Variants in NCKAP1 observed in about 807,000 individuals in gnomAD.
NCKAP1 encodes NCK associated protein 1, also known as nck-associated protein 1.
In NCKAP1, 21 loss-of-function variants were observed where a neutral mutation model predicts 151.2. That is an observed-to-expected ratio of 0.14 (90% CI 0.10 to 0.20). NCKAP1 has a LOEUF of 0.20. NCKAP1 is among the 10% of genes least tolerant of loss of function. NCKAP1 has a pLI of 1.00. For synonymous variants in NCKAP1, 484 were observed against 451.8 expected (o/e 1.07, Z -0.90); for missense variants, 933 against 1,352.1 (o/e 0.69, Z 4.86).
intron 2 of NCKAP1, among the ~76,000 whole-genome samples, chr2:183,019,139 T>C (rs79195744): frequency 0.014 from 2,100 of 152,280 alleles, 63 homozygotes; most frequent in African/African-American, 0.048. Flanking sequence ...GCCAGCAATG[T>C]CCCTATTCTT....
At chr2:183,013,459 A>T (rs538214074) in intron 2 of NCKAP1, among the ~76,000 whole-genome samples, 2 of 152,198 alleles carry the variant, frequency 1.3e-5, no homozygotes, top group South Asian at 4.2e-4. Flanking sequence ...CATACACCCA[A>T]CACCCAATTC....
chr2:182,978,308 T>A (rs1276932002), intron 14 of NCKAP1, among the ~76,000 whole-genome samples: 1 of 152,220 alleles, frequency 6.6e-6, no homozygotes, highest in Non-Finnish European at 1.5e-5. Flanking sequence ...AAGGTGATTA[T>A]ATGACATCAA....
At position 182,918,900 on chromosome 2, in the gene NCKAP1, C is replaced by T. The variant is rs1310271691; in HGVS notation, c.*6802G>A. 6.6e-6 allele frequency: 1 copy of T among 152,192 alleles called. No individual in the cohort carries two copies. Among genetic ancestry groups the T allele is most frequent in the Non-Finnish European group, 1.5e-5 (1 of 68,030 alleles). The allele number at this position is 152,192 out of a possible 1,614,324, so 9.4% of individuals were successfully genotyped here. On this transcript the variant is annotated 3_prime_UTR_variant, in exon 31 of 31. Transcript: ENST00000361354. The stretch of plus-strand genomic sequence containing the variant: ...AAGTCCACACTCACATTTGAGAGAT[C>T]TGAGACACAGTTTAATGAGAAGAAC...
chr2:183,011,948 C>T (rs990141482), intron 2 of NCKAP1, among the ~76,000 whole-genome samples: 1 of 152,160 alleles, frequency 6.6e-6, no homozygotes, highest in African/African-American at 2.4e-5. Context: ...GAATAATGTA[C>T]TGACCCTGCC....
At chr2:182,980,284 G>T (rs1300659433) in intron 13 of NCKAP1, among the ~76,000 whole-genome samples, 1 of 151,776 alleles carries the variant, frequency 6.6e-6, no homozygotes, top group African/African-American at 2.4e-5. Flanking sequence ...ATACTAGCTT[G>T]TAACAGCATG....
intron 1 of NCKAP1, among the ~76,000 whole-genome samples, chr2:183,026,873 TATA>T (rs1698907935): frequency 6.6e-6 from 1 of 152,174 alleles, no homozygotes; most frequent in South Asian, 2.1e-4. Flanking sequence ...TAATAATAGC[TATA>T]ATGATGATAA....
rs1696623701 is a variant in NCKAP1, at chr2:182,925,449, T to C, written c.*253A>G. Reference sequence around the variant, plus strand: ...AAATATCAAAAACATGTTGATAATGTATGTTTTTCAAATAAATGATACTTT... The same window carrying C: ...AAATATCAAAAACATGTTGATAATGCATGTTTTTCAAATAAATGATACTTT... On this transcript the variant is annotated 3_prime_UTR_variant, in exon 31 of 31. Transcript: ENST00000361354. 3 of 225,748 alleles carry C rather than the reference T, an allele frequency of 1.3e-5. No homozygotes were observed. The Admixed American group carries it at 1.7e-4, about 13-fold the overall frequency. The allele number at this position is 225,748 out of a possible 1,614,324, so 14.0% of individuals were successfully genotyped here.
At chr2:182,937,444 G>C (rs551180085) in intron 24 of NCKAP1, among the ~76,000 whole-genome samples, 1 of 152,078 alleles carries the variant, frequency 6.6e-6, no homozygotes, top group African/African-American at 2.4e-5. Flanking sequence ...TGTGGGTCTT[G>C]GACCAGGCAA....
At chr2:183,012,186 GA>G (rs990582528) in intron 2 of NCKAP1, among the ~76,000 whole-genome samples, 13 of 151,120 alleles carry the variant, frequency 8.6e-5, no homozygotes, top group Non-Finnish European at 7.4e-5. Context: ...GCAATAACAT[GA>G]AAAGGGTAAC....
Position 183,003,273 on chromosome 2 carries a change from G to C in NCKAP1, c.272C>G (p.Ala91Gly). The change falls in exon 3 of 31, where the codon GCA becomes GGA. Residue 91 changes from alanine to glycine, a missense_variant. Coordinates refer to ENST00000361354, the MANE Select transcript of NCKAP1 (RefSeq NM_013436.5). The part of the protein sequence containing the change: ...KEKSEILKNL[A>G]LYYFTFVDVM... ...ATCTACAAATGTGAAGTAATATAAT[G>C]CCAGATTTTTCAGAATCTCTGATTT... The C allele has an allele frequency of 6.3e-7, 1 of 1,596,696 alleles. No homozygotes were observed.
intron 20 of NCKAP1, among the ~76,000 whole-genome samples, chr2:182,953,794 T>C (rs1156523459): frequency 6.6e-6 from 1 of 151,520 alleles, no homozygotes; most frequent in African/African-American, 2.4e-5. Flanking sequence ...TGAGACTGTC[T>C]TAAAAAAAAA....
chr2:182,933,865 T>C (rs540509562), intron 26 of NCKAP1, among the ~76,000 whole-genome samples: 14 of 152,314 alleles, frequency 9.2e-5, no homozygotes, highest in African/African-American at 3.4e-4. Flanking sequence ...AACCCCGATA[T>C]ATCACTTACT....
intron 2 of NCKAP1, among the ~76,000 whole-genome samples, chr2:183,021,373 G>A (rs1332690805): frequency 6.6e-6 from 1 of 152,156 alleles, no homozygotes; most frequent in Non-Finnish European, 1.5e-5. Flanking sequence ...GTCAAAGTGG[G>A]AGGACTGCTC....
intron 24 of NCKAP1, among the ~76,000 whole-genome samples, chr2:182,936,412 T>C (rs1037887797): frequency 2.6e-5 from 4 of 152,196 alleles, no homozygotes; most frequent in Non-Finnish European, 5.9e-5. Flanking sequence ...AATAATGACC[T>C]AGACCTCGAA....
intron 17 of NCKAP1, among the ~76,000 whole-genome samples, chr2:182,964,129 C>G (rs1164423241): frequency 6.6e-6 from 1 of 152,112 alleles, no homozygotes; most frequent in Non-Finnish European, 1.5e-5. Flanking sequence ...ACACTGAGTA[C>G]ATTTTTCACA....
intron 8 of NCKAP1, among the ~76,000 whole-genome samples, chr2:182,993,642 C>G (rs941722975): frequency 1.3e-5 from 2 of 152,042 alleles, no homozygotes; most frequent in African/African-American, 4.8e-5. Context: ...CCAAATACTA[C>G]ATGTTCTTAC....
At chr2:182,949,379 G>T (rs975603527) in intron 23 of NCKAP1, among the ~76,000 whole-genome samples, 3 of 152,132 alleles carry the variant, frequency 2.0e-5, no homozygotes, top group Non-Finnish European at 2.9e-5. Flanking sequence ...GTGAGCGTGC[G>T]TAAGTTATTT....
chr2:182,930,628 A>G (rs1366102739), intron 27 of NCKAP1, 67 bp downstream of exon 27: 7 of 1,216,398 alleles, frequency 5.8e-6, no homozygotes, highest in Non-Finnish European at 7.2e-6. Context: ...GTTAAATATC[A>G]TACCTATACC....
Position 182,912,902 on chromosome 2 carries a change from T to C in NCKAP1, c.*12800A>G, listed in dbSNP as rs1157956061. The C allele has an allele frequency of 1.7e-5, 1 of 58,548 alleles. No individual in the cohort carries two copies. Among genetic ancestry groups the C allele is most frequent in the South Asian group, 7.2e-4 (1 of 1,380 alleles). The allele number at this position is 58,548 out of a possible 1,614,324, so 3.6% of individuals were successfully genotyped here. ...GAAGGAAGGAAAGAATTCAGCCAGA[T>C]GAACTTTAGTTAAGTGCAATTTATG... On this transcript the variant is annotated 3_prime_UTR_variant, in exon 31 of 31. Transcript: ENST00000361354.
Sources: allele counts gnomAD v4.1 joint callset (sites outside exome capture counted in the v4.1 genomes callset), GRCh38; gene constraint gnomAD v4.1.1; transcripts MANE v1.5; gene names NCBI Gene and HGNC (gene_info 2026-07-23, HGNC 2026-07-21).